Variants in ME3 observed in about 807,000 individuals in gnomAD.
The protein encoded by ME3 is NADP-dependent malic enzyme, mitochondrial.
Under a neutral mutation model 68.9 loss-of-function variants are expected in ME3, and 48 were observed. That is an observed-to-expected ratio of 0.70 (90% CI 0.55 to 0.89). ME3 has a LOEUF of 0.89. ME3 is among the 40% of genes least tolerant of loss of function. ME3 has a pLI of 0.00. For synonymous variants in ME3, 320 were observed against 318.8 expected (o/e 1.00, Z -0.04); for missense variants, 675 against 797.4 (o/e 0.85, Z 1.85).
chr11:86,617,542 ACT>A (rs903352385), intron 2 of ME3, among the ~76,000 whole-genome samples: 2 of 152,060 alleles, frequency 1.3e-5, no homozygotes, highest in Non-Finnish European at 1.5e-5. Context: ...TTTTGAAGAG[ACT>A]CTACATTTTA....
chr11:86,574,140 T>C (rs561008902), intron 2 of ME3, among the ~76,000 whole-genome samples: 1 of 152,316 alleles, frequency 6.6e-6, no homozygotes, highest in Admixed American at 6.5e-5. Flanking sequence ...CTTCCTTCCT[T>C]TGGGTTAGAA....
chr11:86,547,990 A>G (rs542732728), intron 4 of ME3, among the ~76,000 whole-genome samples: 11 of 152,208 alleles, frequency 7.2e-5, no homozygotes, highest in Non-Finnish European at 1.3e-4. Flanking sequence ...TCTAGTTAAT[A>G]AAGTTCATCT....
chr11:86,599,399 G>C (rs1358070093), intron 2 of ME3, among the ~76,000 whole-genome samples: 1 of 152,102 alleles, frequency 6.6e-6, no homozygotes, highest in Non-Finnish European at 1.5e-5. Context: ...GAAGTTTAGA[G>C]AAAAAAGAAT....
intron 2 of ME3, among the ~76,000 whole-genome samples, chr11:86,665,137 CA>C (rs904431802): frequency 6.6e-6 from 1 of 152,218 alleles, no homozygotes. Flanking sequence ...TGCTTACGAG[CA>C]CCAACTAAGT....
chr11:86,492,203 T>C (rs1952049213), intron 6 of ME3, among the ~76,000 whole-genome samples: 2 of 152,246 alleles, frequency 1.3e-5, no homozygotes. Flanking sequence ...TATCACACAA[T>C]GCAAGCTCTT....
chr11:86,636,177 G>T (rs544157550), intron 2 of ME3, among the ~76,000 whole-genome samples: 2 of 152,234 alleles, frequency 1.3e-5, no homozygotes, highest in East Asian at 3.9e-4. Flanking sequence ...GCAGGGCGGG[G>T]TATGTCTGGT....
At chr11:86,487,879 A>G (rs948800791) in intron 6 of ME3, among the ~76,000 whole-genome samples, 2 of 152,218 alleles carry the variant, frequency 1.3e-5, no homozygotes, top group African/African-American at 4.8e-5. Flanking sequence ...AGTTGTGGCC[A>G]TCAAAAATGA....
At chr11:86,505,842 A>C (rs921664138) in intron 5 of ME3, among the ~76,000 whole-genome samples, 2 of 152,192 alleles carry the variant, frequency 1.3e-5, no homozygotes, top group Non-Finnish European at 2.9e-5. Flanking sequence ...GTTTCTTCAA[A>C]GTGAGACAGG....
At chr11:86,662,220 G>A (rs552436339) in intron 2 of ME3, among the ~76,000 whole-genome samples, 70 of 152,330 alleles carry the variant, frequency 4.6e-4, no homozygotes, top group African/African-American at 1.5e-3. Flanking sequence ...TAGGGGATAA[G>A]CCCTAAAATC....
chr11:86,484,497 G>A (rs921254254), intron 7 of ME3, among the ~76,000 whole-genome samples: 1 of 152,174 alleles, frequency 6.6e-6, no homozygotes, highest in Non-Finnish European at 1.5e-5. Flanking sequence ...GTTGGCTGAC[G>A]CATGCCCCTC....
chr11:86,649,616 T>C (rs1565270186), intron 2 of ME3, among the ~76,000 whole-genome samples: 1 of 152,148 alleles, frequency 6.6e-6, no homozygotes, highest in African/African-American at 2.4e-5. Context: ...TTCAGTAAAG[T>C]CTCAGGATAC....
At chr11:86,534,938 G>T (rs1955545696) in intron 4 of ME3, among the ~76,000 whole-genome samples, 1 of 152,048 alleles carries the variant, frequency 6.6e-6, no homozygotes, top group Non-Finnish European at 1.5e-5. Flanking sequence ...GAGAGTTTGG[G>T]CCCTACTCCT....
At chr11:86,441,440 C>T (rs1400062471) in exon 15 of ME3, 5 of 1,578,790 alleles carry the variant, frequency 3.2e-6, no homozygotes, top group East Asian at 2.2e-5. Context: ...TAGTCGAGAA[C>T]CTAGAGAAAA....
At chr11:86,657,299 T>A (rs534956875) in intron 2 of ME3, among the ~76,000 whole-genome samples, 1 of 152,106 alleles carries the variant, frequency 6.6e-6, no homozygotes, top group South Asian at 2.1e-4. Flanking sequence ...TAAAAAAGAA[T>A]GAGATTGTGT....
intron 2 of ME3, among the ~76,000 whole-genome samples, chr11:86,572,211 G>C (rs949151072): frequency 3.3e-5 from 5 of 152,118 alleles, no homozygotes; most frequent in African/African-American, 1.2e-4. Context: ...CTATGAAATA[G>C]TCTGCAACCT....
intron 5 of ME3, among the ~76,000 whole-genome samples, chr11:86,505,567 GT>G (rs11359686): frequency 0.66 from 99,739 of 152,056 alleles, 33,160 homozygotes; most frequent in Admixed American, 0.72. Flanking sequence ...TGATTCCCAG[GT>G]TAAGGGAGCC....
At chr11:86,552,590 T>C (rs1289395557) in intron 4 of ME3, among the ~76,000 whole-genome samples, 1 of 152,116 alleles carries the variant, frequency 6.6e-6, no homozygotes, top group African/African-American at 2.4e-5. Context: ...CTAGTAATTA[T>C]CCAAGCACCG....
intron 4 of ME3, among the ~76,000 whole-genome samples, chr11:86,531,515 T>C (rs867206580): frequency 3.9e-5 from 6 of 152,214 alleles, no homozygotes; most frequent in African/African-American, 1.4e-4. Flanking sequence ...ACCCAAAGGA[T>C]TATAAATCAT....
rs1946375571 is a variant in ME3 at position 86,662,952 on chromosome 11, A to G, written c.183+8810T>C. Among the ~76,000 whole-genome samples the G allele has an allele frequency of 3.3e-5, 5 of 152,202 alleles. No homozygotes were observed. In the South Asian group the frequency reaches 1.0e-3, roughly 32 times the overall value. ...TGGGCAGCCTCATAACTCAGAAGCT[A>G]TGCCAATTTATAGAGATGTAGACTC... On this transcript the variant is annotated intron_variant, in intron 2 of 14. Coordinates refer to ENST00000543262, the Ensembl canonical transcript of ME3.
Sources: gnomAD v4.1 joint callset for allele counts (sites outside exome capture counted in the v4.1 genomes callset) on GRCh38, gnomAD v4.1.1 for gene constraint, MANE v1.5 for transcripts, NCBI Gene and HGNC (gene_info 2026-07-23, HGNC 2026-07-21) for gene names.